The following PDE4D variants were observed in gnomAD, a reference collection of about 807,000 sequenced individuals.
The protein encoded by PDE4D is phosphodiesterase 4D, also known as 3',5'-cyclic-AMP phosphodiesterase 4D.
A neutral mutation model predicts 87.4 loss-of-function variants in PDE4D; 24 were observed. That is an observed-to-expected ratio of 0.27 (90% CI 0.20 to 0.39). The LOEUF (loss-of-function observed/expected upper bound fraction) is 0.39, where lower values mean the gene tolerates loss of function less well. PDE4D is among the 10% of genes least tolerant of loss of function. The pLI is 1.00. For missense variants in PDE4D, 714 were observed against 1,041.0 expected (o/e 0.69, Z 4.32); for synonymous variants, 384 against 383.2 (o/e 1.00, Z -0.02).
At chr5:60,352,166 A>G (rs1759260640) in intron 1 of PDE4D, among the ~76,000 whole-genome samples, 1 of 152,054 alleles carries the variant, frequency 6.6e-6, no homozygotes, top group Non-Finnish European at 1.5e-5. Flanking sequence ...AAATGTTTCT[A>G]TCACACCTCC....
chr5:59,654,284 AC>A (rs1744006901), intron 1 of PDE4D, among the ~76,000 whole-genome samples: 1 of 152,122 alleles, frequency 6.6e-6, no homozygotes. Context: ...AATAACAATG[AC>A]TTTTATCATC....
rs141767317 is a variant in PDE4D, at chr5:59,462,308, C to T, written c.456-246340G>A. ...ACTATTTCCTTGGATTCTACCAATC[C>T]ACCCTGGCAAAATTAGCTAGGGTCT... On this transcript the variant is annotated intron_variant, in intron 1 of 14. Coordinates refer to ENST00000340635, the MANE Select transcript of PDE4D (RefSeq NM_001104631.2). Among the ~76,000 whole-genome samples the T allele has an allele frequency of 5.2e-3, 785 of 151,984 alleles. 7 individuals are homozygous for T. Among genetic ancestry groups the T allele is most frequent in the Admixed American group, 6.4e-3 (98 of 15,256 alleles).
intron 1 of PDE4D, among the ~76,000 whole-genome samples, chr5:60,222,576 C>T (rs1248490942): frequency 6.6e-6 from 1 of 152,158 alleles, no homozygotes; most frequent in South Asian, 2.1e-4. Context: ...GAACGTTTTC[C>T]GAGTTGGGTA....
chr5:59,347,039 T>C (rs1481760861), intron 1 of PDE4D, among the ~76,000 whole-genome samples: 2 of 152,204 alleles, frequency 1.3e-5, no homozygotes, highest in Non-Finnish European at 2.9e-5. Context: ...AAGTGGCCAC[T>C]CTTTCACTAG....
chr5:60,217,518 A>T (rs892658095), intron 1 of PDE4D, among the ~76,000 whole-genome samples: 1 of 151,958 alleles, frequency 6.6e-6, no homozygotes, highest in African/African-American at 2.4e-5. Flanking sequence ...CACATAGTAA[A>T]ACACAACGCA....
chr5:59,192,406 C>T (rs1020788702), intron 3 of PDE4D, among the ~76,000 whole-genome samples: 3 of 152,092 alleles, frequency 2.0e-5, no homozygotes, highest in Non-Finnish European at 4.4e-5. Context: ...TGTTATTTAA[C>T]AGAGGAAGAG....
intron 1 of PDE4D, among the ~76,000 whole-genome samples, chr5:59,427,817 CAAAAAA>C (rs11356537): frequency 3.0e-5 from 2 of 66,640 alleles, no homozygotes; most frequent in Non-Finnish European, 7.7e-5. Context: ...GACCCTGTCT[CAAAAAA>C]AAAAAAAAAA....
rs548335725 is a variant in PDE4D, at chr5:59,156,320, A to AAATATATAT, written c.808+24274_808+24275insATATATATT. Among the ~76,000 whole-genome samples, 289 of 81,724 alleles carry AAATATATAT rather than the reference A, an allele frequency of 3.5e-3. 9 individuals carry two copies. The highest frequency in any genetic ancestry group is 0.012 in the African/African-American group (235 of 19,622). The allele number at this position is 81,724 out of a possible 152,430, so 53.6% of individuals were successfully genotyped here. A position where few individuals can be genotyped will look rare whatever the true frequency, so the allele number is the denominator to read the frequency against. ...CTAGAGACTTGCCAGAAAAAAAAAA[A>AAATATATAT]ATATATATATATGTGTGTGTGTGTG... On this transcript the variant is annotated intron_variant, in intron 5 of 14. Coordinates refer to ENST00000340635, the MANE Select transcript of PDE4D (RefSeq NM_001104631.2).
At chr5:59,530,610 A>C (rs1290932861) in intron 1 of PDE4D, among the ~76,000 whole-genome samples, 1 of 78,258 alleles carries the variant, frequency 1.3e-5, no homozygotes, top group Non-Finnish European at 4.1e-5. Flanking sequence ...CCATATTATT[A>C]AAAAAAAAAA....
At chr5:59,032,550 G>T (rs1757756187) in intron 6 of PDE4D, among the ~76,000 whole-genome samples, 1 of 152,174 alleles carries the variant, frequency 6.6e-6, no homozygotes, top group South Asian at 2.1e-4. Context: ...CTGTACTCCA[G>T]CCTGGCGACA....
At chr5:59,935,728 G>A (rs544408637) in intron 3 of PDE4D, among the ~76,000 whole-genome samples, 11 of 152,290 alleles carry the variant, frequency 7.2e-5, no homozygotes, top group African/African-American at 1.4e-4. Flanking sequence ...ATTTAGCATC[G>A]TTTAGGAGCT....
intron 1 of PDE4D, among the ~76,000 whole-genome samples, chr5:60,503,580 A>G (rs914371529): frequency 1.1e-4 from 17 of 152,114 alleles, no homozygotes; most frequent in African/African-American, 3.4e-4. Flanking sequence ...TCAAGAATCT[A>G]TGGAAACGTA....
intron 1 of PDE4D, among the ~76,000 whole-genome samples, chr5:59,633,975 C>A (rs1561370015): frequency 6.6e-6 from 1 of 152,028 alleles, no homozygotes; most frequent in Non-Finnish European, 1.5e-5. Flanking sequence ...CATCAATGTG[C>A]TGTATTTAGT....
chr5:59,039,220 G>A (rs1403742496), intron 5 of PDE4D: 5 of 1,274,166 alleles, frequency 3.9e-6, no homozygotes, highest in Non-Finnish European at 5.0e-6. Flanking sequence ...CAGGGAGGGC[G>A]TGCAAAGAGC....
At chr5:60,498,818 A>G (rs1749937882) in intron 1 of PDE4D, among the ~76,000 whole-genome samples, 1 of 152,170 alleles carries the variant, frequency 6.6e-6, no homozygotes, top group African/African-American at 2.4e-5. Context: ...CTATCCTCCT[A>G]TAAGGGCTTC....
chr5:59,574,449 G>C (rs1010826943), intron 1 of PDE4D, among the ~76,000 whole-genome samples: 3 of 151,806 alleles, frequency 2.0e-5, no homozygotes, highest in Non-Finnish European at 4.4e-5. Context: ...GTAAATCTGG[G>C]TGATTGGAAC....
intron 1 of PDE4D, among the ~76,000 whole-genome samples, chr5:59,737,501 T>G (rs762582357): frequency 6.6e-6 from 1 of 152,116 alleles, no homozygotes; most frequent in Non-Finnish European, 1.5e-5. Context: ...AAGAAAGAGT[T>G]GACATACATA....
intron 1 of PDE4D, among the ~76,000 whole-genome samples, chr5:60,428,931 T>C (rs1052180246): frequency 5.3e-5 from 8 of 152,338 alleles, no homozygotes; most frequent in Middle Eastern, 6.8e-3. Context: ...AAGTCCTTGA[T>C]ACTAACAGTT....
At chr5:59,459,335 A>G (rs936395601) in intron 1 of PDE4D, among the ~76,000 whole-genome samples, 2 of 152,194 alleles carry the variant, frequency 1.3e-5, no homozygotes, top group Non-Finnish European at 2.9e-5. Flanking sequence ...AGCAGAGGCT[A>G]GTGCCTGGAA....
Sources: gnomAD v4.1 joint callset for allele counts (sites outside exome capture counted in the v4.1 genomes callset) on GRCh38, gnomAD v4.1.1 for gene constraint, MANE v1.5 for transcripts, NCBI Gene and HGNC (gene_info 2026-07-23, HGNC 2026-07-21) for gene names.